GOPC: variants seen among roughly 807,000 people sequenced by gnomAD.
GOPC encodes Golgi-associated PDZ and coiled-coil motif-containing protein.
In GOPC, 32 loss-of-function variants were observed where a neutral mutation model predicts 51.2. The ratio of observed to expected loss-of-function variants is 0.63; its 90% CI spans 0.47 to 0.84. The LOEUF is 0.84. Among genes scored for constraint, GOPC ranks in the 40% least tolerant of loss-of-function variants. The probability of loss-of-function intolerance (pLI) is 0.00; values close to 1 mark genes in which losing one functional copy is unlikely to be tolerated. For missense variants in GOPC, 441 were observed against 555.5 expected, an observed-to-expected ratio of 0.79 and a Z score of 2.07; for synonymous variants, 190 against 205.1, an observed-to-expected ratio of 0.93 and a Z score of 0.63.
chr6:117,587,515 A>C (rs1780049785), intron 1 of GOPC, among the ~76,000 whole-genome samples: 1 of 151,418 alleles, frequency 6.6e-6, no homozygotes, highest in Non-Finnish European at 1.5e-5. Context: ...ATAAATAAAT[A>C]AATTTATATA....
intron 1 of GOPC, among the ~76,000 whole-genome samples, chr6:117,598,668 G>T (rs983695118): frequency 5.9e-5 from 9 of 152,164 alleles, no homozygotes; most frequent in African/African-American, 2.2e-4. Context: ...AGAATCTAGT[G>T]CCACCACTGA....
chr6:117,587,393 T>A (rs551307017), intron 1 of GOPC, among the ~76,000 whole-genome samples: 1 of 152,110 alleles, frequency 6.6e-6, no homozygotes, highest in African/African-American at 2.4e-5. Flanking sequence ...CATACATAAC[T>A]ACTAGAGAAG....
chr6:117,589,625 G>GT (rs57705953), intron 1 of GOPC, among the ~76,000 whole-genome samples: 5,706 of 149,874 alleles, frequency 0.038, 355 homozygotes, highest in African/African-American at 0.13. Flanking sequence ...CAGCCCTAAT[G>GT]TTTTTTTTTT....
intron 1 of GOPC, among the ~76,000 whole-genome samples, chr6:117,590,400 G>A (rs781479151): frequency 6.6e-6 from 1 of 151,844 alleles, no homozygotes; most frequent in Non-Finnish European, 1.5e-5. Context: ...GTGAGACCCT[G>A]TCTCTACAAA....
chr6:117,584,891 T>G (rs905225932), intron 1 of GOPC, among the ~76,000 whole-genome samples: 11 of 151,720 alleles, frequency 7.3e-5, no homozygotes, highest in Non-Finnish European at 1.2e-4. Context: ...ACCTTACTCT[T>G]GCTTCTTTAC....
At chr6:117,570,536 T>A (rs2114608369) in intron 6 of GOPC, among the ~76,000 whole-genome samples, 1 of 151,902 alleles carries the variant, frequency 6.6e-6, no homozygotes, top group African/African-American at 2.4e-5. Flanking sequence ...AACAATACAA[T>A]CTGAAGCCAT....
chr6:117,593,668 G>T (rs990539732), intron 1 of GOPC, among the ~76,000 whole-genome samples: 2 of 152,182 alleles, frequency 1.3e-5, no homozygotes, highest in Non-Finnish European at 2.9e-5. Flanking sequence ...GGACTGTTGT[G>T]AGAATTGGAT....
At chr6:117,587,314 G>A (rs1181012471) in intron 1 of GOPC, among the ~76,000 whole-genome samples, 1 of 152,088 alleles carries the variant, frequency 6.6e-6, no homozygotes, top group Non-Finnish European at 1.5e-5. Flanking sequence ...TTTTTATCCA[G>A]ATATGACAAC....
Position 117,566,852 on chromosome 6 carries a change from A to C in GOPC, c.1258+2T>G, listed in dbSNP as rs1302094782. 4 of 1,538,344 alleles carry C rather than the reference A, an allele frequency of 2.6e-6. No homozygotes were observed. Among genetic ancestry groups the C allele is most frequent in the Non-Finnish European group, 3.5e-6 (4 of 1,145,388 alleles). On this transcript the variant is annotated splice_donor_variant, in intron 8 of 8. Transcript: ENST00000368498. LOFTEE classifies it high-confidence loss of function. Reference sequence around the variant, plus strand: ...AATAATAATTTTTAGAGTGATTTTTACCTTGTAATACTTTGATTTCCCCAC... The same window carrying C: ...AATAATAATTTTTAGAGTGATTTTTCCCTTGTAATACTTTGATTTCCCCAC...
chr6:117,598,784 C>G (rs1771932646), intron 1 of GOPC, among the ~76,000 whole-genome samples: 1 of 152,048 alleles, frequency 6.6e-6, no homozygotes, highest in African/African-American at 2.4e-5. Context: ...GGTCCACAGC[C>G]CGGGGTAACA....
chr6:117,576,692 C>T (rs1395657019), intron 3 of GOPC, among the ~76,000 whole-genome samples: 2 of 152,070 alleles, frequency 1.3e-5, no homozygotes, highest in Admixed American at 6.6e-5. Context: ...ATCTGACAAA[C>T]TCTTGGGCCC....
intron 1 of GOPC, among the ~76,000 whole-genome samples, chr6:117,594,109 T>A (rs1780157971): frequency 6.6e-6 from 1 of 152,172 alleles, no homozygotes; most frequent in Non-Finnish European, 1.5e-5. Context: ...CCCCAAATAT[T>A]TTTGCATGGC....
intron 1 of GOPC, among the ~76,000 whole-genome samples, chr6:117,588,039 T>A (rs1780058886): frequency 6.6e-6 from 1 of 152,014 alleles, no homozygotes; most frequent in Non-Finnish European, 1.5e-5. Flanking sequence ...CATTTTTAAA[T>A]TTTTTTGTAT....
chr6:117,576,487 A>T (rs569063814), intron 3 of GOPC, among the ~76,000 whole-genome samples: 24 of 152,234 alleles, frequency 1.6e-4, no homozygotes, highest in African/African-American at 5.3e-4. Flanking sequence ...TTCTTATGAC[A>T]TGTTAAAGTT....
At chr6:117,579,784 A>G (rs1173001167) in intron 1 of GOPC, among the ~76,000 whole-genome samples, 3 of 152,072 alleles carry the variant, frequency 2.0e-5, no homozygotes, top group African/African-American at 7.2e-5. Flanking sequence ...TTTGTTTCCT[A>G]TTCAACTCAA....
chr6:117,602,138 G>A lies in GOPC; in HGVS notation c.151C>T (p.Leu51Phe). The A allele has an allele frequency of 6.2e-7, 1 of 1,614,120 alleles. No homozygotes were observed. The highest frequency in any genetic ancestry group is 8.5e-7 in the Non-Finnish European group (1 of 1,180,012). Residue 51 changes from leucine (L) to phenylalanine (F), a missense_variant, in exon 1 of 9, where the codon CTC becomes TTC. This residue lies in a region of GOPC where 204 missense variants were observed against 219.8 expected (regional missense o/e 0.93). Transcript: ENST00000368498. ...FDKAFVDVDL[L>F]LGEIDPDQAD... ...TGGTCTGGATCGATCTCTCCCAGGA[G>A]CAGATCCACATCCACAAAAGCTTTG...
intron 1 of GOPC, among the ~76,000 whole-genome samples, chr6:117,592,316 G>A (rs1391659792): frequency 1.3e-5 from 2 of 152,178 alleles, no homozygotes; most frequent in East Asian, 1.9e-4. Context: ...GCAGTGAGCC[G>A]AGATTGTGCC....
intron 1 of GOPC, among the ~76,000 whole-genome samples, chr6:117,591,667 A>C (rs1243822717): frequency 6.6e-6 from 1 of 152,182 alleles, no homozygotes; most frequent in Non-Finnish European, 1.5e-5. Flanking sequence ...GTGCCATAAA[A>C]GAGCAAGGCC....
intron 2 of GOPC, 64 bp from the exon 3 acceptor site, chr6:117,577,535 GTA>G: frequency 7.6e-7 from 1 of 1,312,288 alleles, no homozygotes; most frequent in Non-Finnish European, 1.1e-6. Context: ...TTATTTAGTG[GTA>G]TAGTCATTAT....
Sources: allele counts gnomAD v4.1 joint callset (sites outside exome capture counted in the v4.1 genomes callset), GRCh38; gene constraint gnomAD v4.1.1; regional missense constraint gnomAD v4.1.1; transcripts MANE v1.5; gene names NCBI Gene and HGNC (gene_info 2026-07-23, HGNC 2026-07-21).